The following GLG1 variants were observed in gnomAD, a reference collection of about 807,000 sequenced individuals.
The protein encoded by GLG1 is Golgi apparatus protein 1.
GLG1 carries 38 observed loss-of-function variants against 160.5 expected under a neutral mutation model. The ratio of observed to expected loss-of-function variants is 0.24; its 90% CI spans 0.18 to 0.31. The LOEUF is 0.31. Among genes scored for constraint, GLG1 ranks in the 10% least tolerant of loss-of-function variants. The pLI, the probability that GLG1 is intolerant of heterozygous loss-of-function variation, is 1.00. For missense variants in GLG1, 1,373 were observed against 1,505.2 expected (o/e 0.91, Z 1.45); for synonymous variants, 644 against 543.4 (o/e 1.19, Z -2.57).
In GLG1 at chr16:74,494,820, AC is replaced by A; in HGVS notation, c.989del (p.Gly330ValfsTer18). On this transcript the variant is annotated frameshift_variant, in exon 6 of 26. Transcript: ENST00000422840. LOFTEE classifies it high-confidence loss of function. ...AGAGGCACTTATACACTCTGCCCTC[AC>A]CAGCTTGTGTCTATAAGATGGAACA... ...RERFCENTQA[G>X]EGRVYKCLFN... 1.3e-6 allele frequency: 2 copies of A among 1,485,970 alleles called. No individual in the cohort carries two copies. Among genetic ancestry groups the A allele is most frequent in the Non-Finnish European group, 1.9e-6 (2 of 1,063,514 alleles). The allele number at this position is 1,485,970 out of a possible 1,614,324, so 92.0% of individuals were successfully genotyped here.
intron 4 of GLG1, among the ~76,000 whole-genome samples, chr16:74,497,825 G>T (rs1004300410): frequency 6.6e-6 from 1 of 152,180 alleles, no homozygotes; most frequent in Non-Finnish European, 1.5e-5. Flanking sequence ...CTACTCTGTG[G>T]TGTCCACAAA....
At chr16:74,590,293 C>G (rs934171383) in intron 1 of GLG1, among the ~76,000 whole-genome samples, 4 of 152,064 alleles carry the variant, frequency 2.6e-5, no homozygotes, top group African/African-American at 7.2e-5. Flanking sequence ...GCCACCGTGC[C>G]TAGCCGATAA....
chr16:74,546,093 T>C (rs562828250), intron 1 of GLG1, among the ~76,000 whole-genome samples: 2 of 152,320 alleles, frequency 1.3e-5, no homozygotes, highest in East Asian at 1.9e-4. Flanking sequence ...CATAGTATCT[T>C]TGAAATCTTC....
At chr16:74,553,238 T>C (rs1184656219) in intron 1 of GLG1, among the ~76,000 whole-genome samples, 1 of 144,026 alleles carries the variant, frequency 6.9e-6, no homozygotes, top group South Asian at 2.2e-4. Flanking sequence ...AAAAAAAAAT[T>C]TTTTTTAAAG....
At position 74,462,474 on chromosome 16, in the gene GLG1, C is replaced by T; in HGVS notation, c.2934+14G>A. On this transcript the variant is annotated intron_variant, in intron 21 of 25. Transcript: ENST00000422840. ...CCATAAATACACCTTTGTGGAGAGC[C>T]CAGGCCAGTTTACCTGGTCAGCATA... The T allele has an allele frequency of 2.5e-6, 4 of 1,611,100 alleles. No homozygotes were observed. Among genetic ancestry groups the T allele is most frequent in the Non-Finnish European group, 3.4e-6 (4 of 1,177,364 alleles).
At chr16:74,549,248 C>T (rs4888253) in intron 1 of GLG1, among the ~76,000 whole-genome samples, 102,185 of 152,020 alleles carry the variant, frequency 0.67, 34,579 homozygotes, top group East Asian at 0.81. Context: ...AAGTAATGTA[C>T]TGTATTATAA....
intron 1 of GLG1, among the ~76,000 whole-genome samples, chr16:74,573,293 T>C (rs2018889108): frequency 6.6e-6 from 1 of 152,104 alleles, no homozygotes; most frequent in South Asian, 2.1e-4. Flanking sequence ...TGCAAGAAGA[T>C]ACAGGGAGAA....
chr16:74,542,487 G>C (rs1267576726), intron 1 of GLG1, among the ~76,000 whole-genome samples: 1 of 151,864 alleles, frequency 6.6e-6, no homozygotes, highest in Admixed American at 6.6e-5. Flanking sequence ...TGGCCAACGT[G>C]GTGAAACCCC....
intron 3 of GLG1, among the ~76,000 whole-genome samples, chr16:74,507,324 A>C (rs1320314406): frequency 1.3e-5 from 2 of 152,164 alleles, no homozygotes; most frequent in Non-Finnish European, 2.9e-5. Flanking sequence ...ATATGTACAT[A>C]CTCAACTAAA....
At chr16:74,579,412 T>C (rs1003716413) in intron 1 of GLG1, among the ~76,000 whole-genome samples, 2 of 151,950 alleles carry the variant, frequency 1.3e-5, no homozygotes, top group Admixed American at 6.6e-5. Context: ...TGAGAACTTG[T>C]CTCAAAACAA....
chr16:74,480,024 CCACT>C (rs2015540029), intron 11 of GLG1, among the ~76,000 whole-genome samples: 2 of 152,014 alleles, frequency 1.3e-5, no homozygotes, highest in Non-Finnish European at 2.9e-5. Context: ...CTTCCCCCAC[CCACT>C]TTGTTAAAAA....
rs980517098 is a variant in GLG1 at position 74,452,535 on chromosome 16, G to T, written c.*632C>A. The T allele has an allele frequency of 2.0e-6, 2 of 1,013,030 alleles. No homozygotes were observed. The highest frequency in any genetic ancestry group is 3.4e-5 in the African/African-American group (2 of 58,630). The allele number at this position is 1,013,030 out of a possible 1,614,324, so 62.8% of individuals were successfully genotyped here. On this transcript the variant is annotated 3_prime_UTR_variant, in exon 26 of 26. Coordinates refer to ENST00000422840, the MANE Select transcript of GLG1 (RefSeq NM_001145667.2). ...CAGTGGCTGATTAGGGTGGAAACTGGAAAGCGTCACTGTCTCAGCAGAAGA... is the reference window on the plus strand; with the variant it reads ...CAGTGGCTGATTAGGGTGGAAACTGTAAAGCGTCACTGTCTCAGCAGAAGA...
intron 19 of GLG1, among the ~76,000 whole-genome samples, chr16:74,463,736 T>TTGC (rs1567458593): frequency 1.3e-5 from 2 of 149,604 alleles, no homozygotes; most frequent in African/African-American, 5.0e-5. Context: ...GTTTTTTTTG[T>TTGC]TGTTGTTGTT....
intron 2 of GLG1, among the ~76,000 whole-genome samples, chr16:74,526,776 C>A (rs1475819915): frequency 6.6e-6 from 1 of 152,282 alleles, no homozygotes; most frequent in East Asian, 1.9e-4. Context: ...TGGAGAAATA[C>A]TGTATGTGCA....
intron 16 of GLG1, 39 bp downstream of exon 16, chr16:74,469,946 C>A: frequency 7.8e-7 from 1 of 1,289,780 alleles, no homozygotes; most frequent in Non-Finnish European, 1.1e-6. Flanking sequence ...CTAAGAGGAA[C>A]TTCGGGAAAG....
At chr16:74,576,410 T>G (rs2019005503) in intron 1 of GLG1, among the ~76,000 whole-genome samples, 1 of 152,208 alleles carries the variant, frequency 6.6e-6, no homozygotes, top group African/African-American at 2.4e-5. Context: ...TTAAATGAGT[T>G]GCATGTACAT....
At chr16:74,523,459 A>G (rs2017236339) in intron 2 of GLG1, among the ~76,000 whole-genome samples, 5 of 152,098 alleles carry the variant, frequency 3.3e-5, no homozygotes, top group Admixed American at 2.6e-4. Flanking sequence ...TAAATTTTAA[A>G]ATCACGTGGC....
chr16:74,474,473 A>C, intron 13 of GLG1, 73 bp downstream of exon 13: 1 of 799,484 alleles, frequency 1.3e-6, no homozygotes, highest in Non-Finnish European at 2.3e-6. Context: ...GTCTAGAAAC[A>C]GTAGAATCAA....
At chr16:74,541,324 CAA>C (rs59761629) in intron 1 of GLG1, among the ~76,000 whole-genome samples, 10 of 71,926 alleles carry the variant, frequency 1.4e-4, no homozygotes, top group Non-Finnish European at 1.3e-4. Context: ...GCTCTGTCTC[CAA>C]AAAAAAAAAA....
Sources: allele counts gnomAD v4.1 joint callset (sites outside exome capture counted in the v4.1 genomes callset), GRCh38; gene constraint gnomAD v4.1.1; transcripts MANE v1.5; gene names NCBI Gene and HGNC (gene_info 2026-07-23, HGNC 2026-07-21).